LRP1B: variants seen among roughly 807,000 people sequenced by gnomAD.
LRP1B encodes the protein low-density lipoprotein receptor-related protein 1B.
In LRP1B, 217 loss-of-function variants were observed where a neutral mutation model predicts 556.6. The ratio of observed to expected loss-of-function variants is 0.39; its 90% confidence interval spans 0.35 to 0.44. The LOEUF (loss-of-function observed/expected upper bound fraction) is 0.44. Ranked by LOEUF, LRP1B falls within the 20% of genes least tolerant of loss-of-function variation. The pLI is 1.00. For synonymous variants in LRP1B, 2,047 were observed against 1,865.8 expected, an observed-to-expected ratio of 1.10 and a Z score of -2.50; for missense variants, 5,053 against 5,620.8, an observed-to-expected ratio of 0.90 and a Z score of 3.23.
chr2:141,141,082 A>C (rs1359070200), intron 7 of LRP1B, among the ~76,000 whole-genome samples: 1 of 152,150 alleles, frequency 6.6e-6, no homozygotes, highest in Non-Finnish European at 1.5e-5. Context: ...AATGGGCATT[A>C]AGTTAGTAAA....
chr2:140,261,042 T>C (rs1053345986), intron 86 of LRP1B, among the ~76,000 whole-genome samples: 3 of 121,846 alleles, frequency 2.5e-5, no homozygotes, highest in Admixed American at 1.7e-4. Flanking sequence ...TGGTGAGATA[T>C]ATATATATGT....
rs371503389 is a variant in LRP1B at position 141,821,298 on chromosome 2, C to A, written c.83-10897G>T. Among the ~76,000 whole-genome samples the A allele has an allele frequency of 4.0e-4, 61 of 152,312 alleles. No individual in the cohort carries two copies. In the Middle Eastern group the frequency reaches 0.01, roughly 25 times the overall value. On this transcript the variant is annotated intron_variant, in intron 1 of 90. Coordinates refer to ENST00000389484, the MANE Select transcript of LRP1B (RefSeq NM_018557.3). ...ACAATTTCCCAGTTTCATGTCACAG[C>A]CAAGACATCACAGGTGTAAGCCTCA...
At chr2:140,238,537 T>G (rs571616649) in intron 88 of LRP1B, among the ~76,000 whole-genome samples, 1 of 151,066 alleles carries the variant, frequency 6.6e-6, no homozygotes, top group Non-Finnish European at 1.5e-5. Flanking sequence ...CATTTGAAAT[T>G]GAATATTTAC....
intron 1 of LRP1B, among the ~76,000 whole-genome samples, chr2:142,004,059 T>G (rs555080856): frequency 1.9e-4 from 29 of 152,356 alleles, no homozygotes; most frequent in African/African-American, 7.0e-4. Context: ...ACAGCTATTA[T>G]GTTCCAAGGT....
chr2:140,979,334 G>C (rs1418258417), intron 18 of LRP1B, among the ~76,000 whole-genome samples: 3 of 151,882 alleles, frequency 2.0e-5, no homozygotes, highest in Non-Finnish European at 4.4e-5. Flanking sequence ...TAAAGCAAGT[G>C]GCATTATTTT....
intron 3 of LRP1B, among the ~76,000 whole-genome samples, chr2:141,364,508 G>T (rs546740177): frequency 1.3e-5 from 2 of 152,242 alleles, no homozygotes; most frequent in East Asian, 3.9e-4. Context: ...AAAGGAACTG[G>T]AGTAAGGAAT....
intron 2 of LRP1B, among the ~76,000 whole-genome samples, chr2:141,808,934 T>G (rs1263153061): frequency 6.6e-6 from 1 of 152,146 alleles, no homozygotes; most frequent in African/African-American, 2.4e-5. Flanking sequence ...CTTCATTCCT[T>G]TTCATTACCA....
At position 140,640,378 on chromosome 2, in the gene LRP1B, G is replaced by GTTTTCTT. The variant is rs1385794075; in HGVS notation, c.6800-38746_6800-38740dup. Among the ~76,000 whole-genome samples the GTTTTCTT allele has an allele frequency of 7.2e-3, 440 of 61,124 alleles. 15 individuals carry two copies. The highest frequency in any genetic ancestry group is 0.017 in the Admixed American group (81 of 4,650). The allele number at this position is 61,124 out of a possible 152,430, so 40.1% of individuals were successfully genotyped here. On this transcript the variant is annotated intron_variant, in intron 41 of 90. Coordinates refer to ENST00000389484, the MANE Select transcript of LRP1B (RefSeq NM_018557.3). Reference sequence around the variant, plus strand: ...TCATCATCCACTATTCCCTTGTCCTGTTTTCTTTTTTTTTTTTTTTTTTTT... The same window carrying GTTTTCTT: ...TCATCATCCACTATTCCCTTGTCCTGTTTTCTTTTTTCTTTTTTTTTTTTTTTTTTTT...
intron 43 of LRP1B, among the ~76,000 whole-genome samples, chr2:140,577,455 C>T (rs1373907945): frequency 6.6e-6 from 1 of 150,880 alleles, no homozygotes; most frequent in African/African-American, 2.4e-5. Context: ...GTTTCACTGT[C>T]ACCCAAGCAG....
intron 6 of LRP1B, among the ~76,000 whole-genome samples, chr2:141,209,780 G>A (rs1682463766): frequency 6.6e-6 from 1 of 152,148 alleles, no homozygotes; most frequent in South Asian, 2.1e-4. Flanking sequence ...GTTAAGGGAA[G>A]AGACAAATAT....
chr2:140,361,938 C>T (rs918310111), intron 72 of LRP1B, among the ~76,000 whole-genome samples: 1 of 151,702 alleles, frequency 6.6e-6, no homozygotes, highest in South Asian at 2.1e-4. Context: ...ACTTGCAAAA[C>T]TGTTCCCTTT....
intron 2 of LRP1B, among the ~76,000 whole-genome samples, chr2:141,575,248 G>T (rs1197064894): frequency 1.3e-5 from 2 of 152,108 alleles, no homozygotes; most frequent in Admixed American, 6.6e-5. Flanking sequence ...GCATGGTATT[G>T]GTACCAAAAC....
intron 4 of LRP1B, among the ~76,000 whole-genome samples, chr2:141,253,996 G>A (rs959941429): frequency 6.6e-6 from 1 of 151,942 alleles, no homozygotes; most frequent in Admixed American, 6.6e-5. Flanking sequence ...TTCATGAAGG[G>A]AGTCATTTTG....
At chr2:140,734,632 T>G (rs533489684) in intron 35 of LRP1B, among the ~76,000 whole-genome samples, 57 of 152,288 alleles carry the variant, frequency 3.7e-4, no homozygotes, top group African/African-American at 1.3e-3. Context: ...TACTGAATAT[T>G]AGCCTCTATG....
At chr2:140,930,868 C>T (rs1003783217) in intron 20 of LRP1B, among the ~76,000 whole-genome samples, 3 of 152,036 alleles carry the variant, frequency 2.0e-5, no homozygotes, top group Admixed American at 2.0e-4. Flanking sequence ...CTTCTCCAGC[C>T]CTGACACTAC....
chr2:140,708,254 T>A (rs561687180), intron 37 of LRP1B, among the ~76,000 whole-genome samples: 5 of 150,802 alleles, frequency 3.3e-5, no homozygotes, highest in African/African-American at 1.2e-4. Flanking sequence ...ACTTCAGAAT[T>A]TTTTTTTTCT....
intron 5 of LRP1B, among the ~76,000 whole-genome samples, chr2:141,246,737 G>A (rs1247054148): frequency 6.6e-6 from 1 of 152,152 alleles, no homozygotes; most frequent in East Asian, 1.9e-4. Context: ...GGCCTTGGTG[G>A]GTGAATCGCC....
intron 10 of LRP1B, among the ~76,000 whole-genome samples, chr2:141,054,774 T>A (rs941301326): frequency 6.6e-5 from 10 of 151,962 alleles, no homozygotes. Flanking sequence ...AGGAGTAGCA[T>A]ATTGGTTCAA....
intron 66 of LRP1B, among the ~76,000 whole-genome samples, chr2:140,441,739 A>G (rs1170476435): frequency 4.6e-5 from 7 of 152,138 alleles, no homozygotes; most frequent in African/African-American, 1.4e-4. Flanking sequence ...TTTCTAATCA[A>G]TTACTAGATG....
Sources: gnomAD v4.1 joint callset for allele counts (sites outside exome capture counted in the v4.1 genomes callset) on GRCh38, gnomAD v4.1.1 for gene constraint, MANE v1.5 for transcripts, NCBI Gene and HGNC (gene_info 2026-07-23, HGNC 2026-07-21) for gene names.